Variants in PRKN observed in about 807,000 individuals in gnomAD.
PRKN encodes the protein parkin RBR E3 ubiquitin protein ligase, also known as E3 ubiquitin-protein ligase parkin.
Under a neutral mutation model 59.5 loss-of-function variants are expected in PRKN, and 56 were observed. The observed-to-expected ratio is 0.94, with a 90% CI of 0.76 to 1.18. The LOEUF is 1.18. Ranked by LOEUF, PRKN falls within the 50% of genes most tolerant of loss-of-function variation. The probability of loss-of-function intolerance (pLI) is 0.00; values close to 1 mark genes in which losing one functional copy is unlikely to be tolerated. For missense variants in PRKN, 657 were observed against 596.4 expected, an observed-to-expected ratio of 1.10 and a Z score of -1.06; for synonymous variants, 250 against 222.1, an observed-to-expected ratio of 1.13 and a Z score of -1.12.
chr6:161,829,148 C>T (rs1792370570), intron 6 of PRKN, among the ~76,000 whole-genome samples: 1 of 152,142 alleles, frequency 6.6e-6, no homozygotes, highest in Non-Finnish European at 1.5e-5. Flanking sequence ...ATCACTTGAA[C>T]CTGAGAGGCG....
intron 7 of PRKN, among the ~76,000 whole-genome samples, chr6:161,690,288 T>G (rs1201736628): frequency 6.6e-6 from 1 of 152,180 alleles, no homozygotes; most frequent in African/African-American, 2.4e-5. Context: ...CCTTACACTC[T>G]GGCCATTGAG....
intron 4 of PRKN, among the ~76,000 whole-genome samples, chr6:162,059,791 A>C (rs922288218): frequency 1.3e-5 from 2 of 152,174 alleles, no homozygotes; most frequent in African/African-American, 4.8e-5. Flanking sequence ...AAAATATATA[A>C]ATTATTTTAG....
intron 9 of PRKN, among the ~76,000 whole-genome samples, chr6:161,406,423 T>C (rs1343388244): frequency 6.6e-6 from 1 of 152,158 alleles, no homozygotes; most frequent in Non-Finnish European, 1.5e-5. Flanking sequence ...GTTCTTCTTT[T>C]AGGGCGAGAT....
rs117597101 is a variant in PRKN at position 161,843,211 on chromosome 6, G to A, written c.735-57303C>T. Among the ~76,000 whole-genome samples the A allele has an allele frequency of 4.1e-3, 625 of 152,184 alleles. 7 individuals are homozygous for A. In the Middle Eastern group the frequency reaches 0.071, roughly 17 times the overall value. ...AACTCTATATTATTATCCTGAAGCCGGGTCTACTCCGTGACTCTCCTTCTG... is the reference window on the plus strand; with the variant it reads ...AACTCTATATTATTATCCTGAAGCCAGGTCTACTCCGTGACTCTCCTTCTG... On this transcript the variant is annotated intron_variant, in intron 6 of 11. Transcript: ENST00000366898.
intron 6 of PRKN, among the ~76,000 whole-genome samples, chr6:161,965,430 T>C (rs181625665): frequency 6.6e-6 from 1 of 152,178 alleles, no homozygotes; most frequent in Admixed American, 6.5e-5. Context: ...GGGCTATTTT[T>C]CGGTCTGCTT....
intron 2 of PRKN, among the ~76,000 whole-genome samples, chr6:162,372,505 C>G (rs1325456269): frequency 2.0e-5 from 3 of 152,064 alleles, no homozygotes; most frequent in African/African-American, 7.2e-5. Flanking sequence ...GAGGGTTAAG[C>G]AATGGGTAAA....
intron 3 of PRKN, among the ~76,000 whole-genome samples, chr6:162,214,721 T>C (rs567177746): frequency 6.6e-6 from 1 of 152,278 alleles, no homozygotes; most frequent in Non-Finnish European, 1.5e-5. Flanking sequence ...AGTTGATAAA[T>C]AGATAGATAG....
In PRKN at chr6:161,348,093, G is replaced by C. The variant is rs1195697718; in HGVS notation, c.*2006C>G. The C allele has an allele frequency of 5.3e-6, 1 of 189,148 alleles. No individual in the cohort carries two copies. Among genetic ancestry groups the C allele is most frequent in the Non-Finnish European group, 1.1e-5 (1 of 90,082 alleles). 11.7% of individuals were successfully genotyped at this position (189,148 alleles called of 1,614,324 possible). A position where few individuals can be genotyped will look rare whatever the true frequency, so the allele number is the denominator to read the frequency against. ...GCAAGCCCAACGCAGCATGCAGATTGGGAAGGCGCAATAATGCAAACACCA... is the reference window on the plus strand; with the variant it reads ...GCAAGCCCAACGCAGCATGCAGATTCGGAAGGCGCAATAATGCAAACACCA... On this transcript the variant is annotated 3_prime_UTR_variant, in exon 12 of 12. Transcript: ENST00000366898. The surrounding 1 kb of genome is among the most constrained non-coding windows in gnomAD (Gnocchi z 4.9).
rs1195195209 is a variant in PRKN at position 161,498,110 on chromosome 6, T to C, written c.1083+50744A>G. ...AGTTATTTATAAAGCTCTTATTAGA[T>C]TGGTTAAATTCACATGTGGGAAAAA... is the stretch of plus-strand genomic sequence containing the variant. On this transcript the variant is annotated intron_variant, in intron 9 of 11. Coordinates refer to ENST00000366898, the MANE Select transcript of PRKN (RefSeq NM_004562.3). This position sits in a 1 kb window ranked among gnomAD's most constrained non-coding sequence, Gnocchi z 4.2. Among the ~76,000 whole-genome samples the C allele has an allele frequency of 6.6e-6, 1 of 152,104 alleles. No homozygotes were observed. The highest frequency in any genetic ancestry group is 1.5e-5 in the Non-Finnish European group (1 of 68,030).
At chr6:162,034,045 CATA>C (rs1391071660) in intron 5 of PRKN, among the ~76,000 whole-genome samples, 2 of 151,758 alleles carry the variant, frequency 1.3e-5, no homozygotes, top group East Asian at 1.9e-4. Context: ...AATACAGTAT[CATA>C]ATGTTTGAAA....
At chr6:162,170,809 C>A (rs1248515579) in intron 4 of PRKN, among the ~76,000 whole-genome samples, 1 of 152,154 alleles carries the variant, frequency 6.6e-6, no homozygotes, top group Non-Finnish European at 1.5e-5. Flanking sequence ...CACGAATGGG[C>A]TGCACAGGGT....
intron 4 of PRKN, among the ~76,000 whole-genome samples, chr6:162,144,961 A>T (rs1781959430): frequency 6.6e-6 from 1 of 152,128 alleles, no homozygotes; most frequent in Non-Finnish European, 1.5e-5. Context: ...AGTTCCCAGA[A>T]CTTAATCAAG....
intron 3 of PRKN, among the ~76,000 whole-genome samples, chr6:162,207,767 T>C (rs1278549560): frequency 6.6e-6 from 1 of 152,176 alleles, no homozygotes; most frequent in Admixed American, 6.5e-5. Context: ...TCTCTGTGTG[T>C]AACACTTCAC....
At position 161,897,984 on chromosome 6, in the gene PRKN, A is replaced by AAAAAT. The variant is rs1554244227; in HGVS notation, c.734+75317_734+75318insATTTT. Among the ~76,000 whole-genome samples the AAAAAT allele has an allele frequency of 3.3e-3, 390 of 117,656 alleles. 39 individuals are homozygous for AAAAAT. Among genetic ancestry groups the AAAAAT allele is most frequent in the South Asian group, 9.7e-3 (37 of 3,824 alleles). The allele number at this position is 117,656 out of a possible 152,430, so 77.2% of individuals were successfully genotyped here. A position where few individuals can be genotyped will look rare whatever the true frequency, so the allele number is the denominator to read the frequency against. ...TCCGTCTCAAAAAAAAAAAAAAAAA[A>AAAAAT]GTCTCCCAGTTGCATAGAAAAGGTT... On this transcript the variant is annotated intron_variant, in intron 6 of 11. Coordinates refer to ENST00000366898, the MANE Select transcript of PRKN (RefSeq NM_004562.3).
Position 162,047,925 on chromosome 6 carries a change from C to T in PRKN, c.618+6166G>A, listed in dbSNP as rs1053895251. The stretch of plus-strand genomic sequence containing the variant: ...GGGGGAAAGTGTGAAAAATAGATTG[C>T]ATGTTGAGTAAGATGAAAACACTCT... On this transcript the variant is annotated intron_variant, in intron 5 of 11. Transcript: ENST00000366898. Among the ~76,000 whole-genome samples, 3 of 152,190 alleles carry T rather than the reference C, an allele frequency of 2.0e-5. No individual in the cohort carries two copies. In the East Asian group the frequency reaches 5.8e-4, roughly 29 times the overall value.
At chr6:161,437,173 C>T (rs1788952074) in intron 9 of PRKN, among the ~76,000 whole-genome samples, 1 of 152,106 alleles carries the variant, frequency 6.6e-6, no homozygotes, top group Non-Finnish European at 1.5e-5. Flanking sequence ...TATAATGGTG[C>T]GAGGACCACG....
chr6:161,975,050 A>G (rs944406759), intron 5 of PRKN, among the ~76,000 whole-genome samples: 1 of 151,254 alleles, frequency 6.6e-6, no homozygotes, highest in African/African-American at 2.4e-5. Flanking sequence ...GTATTCTAAC[A>G]GTGACTGACA....
intron 7 of PRKN, among the ~76,000 whole-genome samples, chr6:161,719,100 A>G (rs1787112007): frequency 6.6e-6 from 1 of 152,206 alleles, no homozygotes; most frequent in Non-Finnish European, 1.5e-5. Flanking sequence ...AATGGAGATA[A>G]ACAAAATAAG....
At chr6:162,507,181 G>A (rs1206315251) in intron 1 of PRKN, among the ~76,000 whole-genome samples, 3 of 152,092 alleles carry the variant, frequency 2.0e-5, no homozygotes, top group African/African-American at 7.2e-5. Flanking sequence ...TTCATGCTAT[G>A]ATTTCTCACC....
Sources: gnomAD v4.1 joint callset for allele counts (sites outside exome capture counted in the v4.1 genomes callset) on GRCh38, gnomAD v4.1.1 for gene constraint, Gnocchi (gnomAD v3.1) non-coding constraint, MANE v1.5 for transcripts, NCBI Gene and HGNC (gene_info 2026-07-23, HGNC 2026-07-21) for gene names.